Variants in SNPH observed in about 807,000 individuals in gnomAD.
The protein encoded by SNPH is syntaphilin.
SNPH carries 10 observed loss-of-function variants against 36.8 expected under a neutral mutation model. The ratio of observed to expected loss-of-function variants is 0.27; its 90% CI spans 0.17 to 0.46. The LOEUF (loss-of-function observed/expected upper bound fraction) is 0.46. Among genes scored for constraint, SNPH ranks in the 20% least tolerant of loss-of-function variants. SNPH has a pLI of 1.00. For synonymous variants in SNPH, 281 were observed against 312.2 expected (o/e 0.90, Z 1.05); for missense variants, 622 against 744.0 (o/e 0.84, Z 1.91).
At chr20:1,301,008 G>C (rs2088501001) in intron 6 of SNPH, among the ~76,000 whole-genome samples, 1 of 152,236 alleles carries the variant, frequency 6.6e-6, no homozygotes, top group Admixed American at 6.5e-5. Context: ...CAGCCTGGCA[G>C]CTCCTTTGGC....
chr20:1,300,420 C>T, intron 5 of SNPH, 142 bp from the exon 6 acceptor site: 1 of 819,836 alleles, frequency 1.2e-6, no homozygotes, highest in Non-Finnish European at 2.0e-6. Context: ...TGGGGGTTCT[C>T]CTGCCTTGTG....
intron 2 of SNPH, among the ~76,000 whole-genome samples, chr20:1,267,033 C>A (rs1233276586): frequency 6.6e-6 from 1 of 152,054 alleles, no homozygotes; most frequent in Admixed American, 6.5e-5. Context: ...GGAACCCACC[C>A]CCCAATTTTA....
chr20:1,275,939 T>C (rs1204969606), intron 2 of SNPH, among the ~76,000 whole-genome samples: 1 of 152,204 alleles, frequency 6.6e-6, no homozygotes, highest in Non-Finnish European at 1.5e-5. Context: ...ACTACTGCTA[T>C]CTCCTCATGT....
chr20:1,285,229 T>C lies in SNPH; in HGVS notation c.-492-9722T>C, dbSNP rs114942123. ...CAAAATCAGAAATTCATATTTTGGA[T>C]GTGTTAATTTTGAGATACTCTGTTA... On this transcript the variant is annotated intron_variant, in intron 2 of 6. Coordinates refer to ENST00000381867, the MANE Select transcript of SNPH (RefSeq NM_001318234.2). This position sits in a 1 kb window ranked among gnomAD's most constrained non-coding sequence, Gnocchi z 4.9. Among the ~76,000 whole-genome samples the C allele has an allele frequency of 3.9e-3, 599 of 152,320 alleles. 4 individuals carry two copies. Among genetic ancestry groups the C allele is most frequent in the African/African-American group, 0.014 (571 of 41,568 alleles).
chr20:1,302,905 C>A (rs570464307), intron 6 of SNPH, among the ~76,000 whole-genome samples: 1 of 152,234 alleles, frequency 6.6e-6, no homozygotes. Flanking sequence ...CCAGGATCTG[C>A]GTGGCCTTTT....
intron 6 of SNPH, among the ~76,000 whole-genome samples, chr20:1,303,235 C>T (rs2088525263): frequency 6.6e-6 from 1 of 152,254 alleles, no homozygotes; most frequent in African/African-American, 2.4e-5. Flanking sequence ...TCTGTGTCCC[C>T]ACTACTTGAG....
At position 1,286,715 on chromosome 20, in the gene SNPH, G is replaced by C. The variant is rs867176684; in HGVS notation, c.-492-8236G>C. ...CATGAAATGCCAGGAGAGCAAGAGA[G>C]AGTGTGTGTGCACAAGTGACAGGGA... is the stretch of plus-strand genomic sequence containing the variant. On this transcript the variant is annotated intron_variant, in intron 2 of 6. Coordinates refer to ENST00000381867, the MANE Select transcript of SNPH (RefSeq NM_001318234.2). Among the ~76,000 whole-genome samples, 4 of 152,326 alleles carry C rather than the reference G, an allele frequency of 2.6e-5. No homozygotes were observed. The South Asian group carries it at 8.3e-4, about 32-fold the overall frequency.
Position 1,266,510 on chromosome 20 carries a change from G to A in SNPH, c.-600+113G>A, listed in dbSNP as rs1308175013. 8.3e-7 allele frequency: 1 copy of A among 1,207,548 alleles called. No individual in the cohort carries two copies. 74.8% of individuals were successfully genotyped at this position (1,207,548 alleles called of 1,614,324 possible). ...GGGGGCCGCGGGCCGCGAGGAGGAG[G>A]GGACGGAGCACCCGGCAGGCAGCCT... On this transcript the variant is annotated intron_variant, in intron 1 of 6. Coordinates refer to ENST00000381867, the MANE Select transcript of SNPH (RefSeq NM_001318234.2). This position sits in a 1 kb window ranked among gnomAD's most constrained non-coding sequence, Gnocchi z 6.0.
chr20:1,283,691 G>C (rs901175374), intron 2 of SNPH, among the ~76,000 whole-genome samples: 1 of 152,172 alleles, frequency 6.6e-6, no homozygotes. Flanking sequence ...TGGAATCTCC[G>C]TAGTCACCTG....
intron 2 of SNPH, among the ~76,000 whole-genome samples, chr20:1,270,274 T>A (rs1244802555): frequency 6.6e-6 from 1 of 151,758 alleles, no homozygotes; most frequent in Non-Finnish European, 1.5e-5. Context: ...TTCAAGAAGC[T>A]CATATCTAAC....
intron 2 of SNPH, among the ~76,000 whole-genome samples, chr20:1,279,373 T>C (rs2088188819): frequency 6.6e-6 from 1 of 152,234 alleles, no homozygotes; most frequent in South Asian, 2.1e-4. Flanking sequence ...TTTGGTGAGG[T>C]ATCAGTTCAA....
At chr20:1,292,377 G>T (rs1338693880) in intron 2 of SNPH, among the ~76,000 whole-genome samples, 2 of 152,212 alleles carry the variant, frequency 1.3e-5, no homozygotes, top group East Asian at 1.9e-4. Context: ...CAGTTGGAAA[G>T]GTTGTAGATG....
At chr20:1,296,466 G>A (rs1267745194) in intron 4 of SNPH, 45 bp downstream of exon 4, 5 of 1,543,224 alleles carry the variant, frequency 3.2e-6, no homozygotes, top group Non-Finnish European at 1.7e-6. Context: ...GAGGGCGGGA[G>A]GAGGGCGCAC....
chr20:1,277,521 GTGTC>G (rs551409904), intron 2 of SNPH, among the ~76,000 whole-genome samples: 339 of 148,632 alleles, frequency 2.3e-3, no homozygotes, highest in East Asian at 0.011. Context: ...GTGTGCCTGT[GTGTC>G]TGTCTGTGCA....
chr20:1,277,983 G>C (rs1028716939), intron 2 of SNPH, among the ~76,000 whole-genome samples: 1 of 149,410 alleles, frequency 6.7e-6, no homozygotes, highest in African/African-American at 2.5e-5. Context: ...ATCTGTGTGT[G>C]TGGCGTGTCT....
rs116677678 is a variant in SNPH, at chr20:1,295,721, C to T, written c.-464-55C>T. 1,465 of 154,028 alleles carry T rather than the reference C, an allele frequency of 9.5e-3. 22 individuals carry two copies. Among genetic ancestry groups the T allele is most frequent in the African/African-American group, 0.026 (1,086 of 41,646 alleles). 9.5% of individuals were successfully genotyped at this position (154,028 alleles called of 1,614,324 possible). A position where few individuals can be genotyped will look rare whatever the true frequency, so the allele number is the denominator to read the frequency against. On this transcript the variant is annotated intron_variant, in intron 3 of 6. Coordinates refer to ENST00000381867, the MANE Select transcript of SNPH (RefSeq NM_001318234.2). ...GTACCTTCTCGTGTTGGTGTGTATC[C>T]GTATGTCTTTCTACACATGTGCTGG...
chr20:1,296,587 A>G (rs1005926466), intron 4 of SNPH, among the ~76,000 whole-genome samples, 166 bp downstream of exon 4: 1 of 152,186 alleles, frequency 6.6e-6, no homozygotes, highest in Non-Finnish European at 1.5e-5. Flanking sequence ...GAACTATTTA[A>G]TGGCTCAAAT....
Position 1,304,792 on chromosome 20 carries a change from C to T in SNPH, c.441-86C>T. On this transcript the variant is annotated intron_variant, in intron 6 of 6. Coordinates refer to ENST00000381867, the MANE Select transcript of SNPH (RefSeq NM_001318234.2). This position sits in a 1 kb window ranked among gnomAD's most constrained non-coding sequence, Gnocchi z 4.3. ...GCAGCACAGGGCCCTTCATCCTTGG[C>T]AACAGTGTCCTCTCCCTGCCTCTCC... 2.3e-6 allele frequency: 3 copies of T among 1,327,974 alleles called. No individual in the cohort carries two copies. Among genetic ancestry groups the T allele is most frequent in the Non-Finnish European group, 3.2e-6 (3 of 946,386 alleles). 82.3% of individuals were successfully genotyped at this position (1,327,974 alleles called of 1,614,324 possible). A position where few individuals can be genotyped will look rare whatever the true frequency, so the allele number is the denominator to read the frequency against.
chr20:1,292,998 G>T (rs539094807), intron 2 of SNPH, among the ~76,000 whole-genome samples: 12 of 152,136 alleles, frequency 7.9e-5, no homozygotes, highest in Non-Finnish European at 1.6e-4. Flanking sequence ...AGTGTTTATT[G>T]TGTGATAGGC....
Sources: allele counts gnomAD v4.1 joint callset (sites outside exome capture counted in the v4.1 genomes callset), GRCh38; gene constraint gnomAD v4.1.1; non-coding constraint Gnocchi (gnomAD v3.1); transcripts MANE v1.5; gene names NCBI Gene and HGNC (gene_info 2026-07-23, HGNC 2026-07-21).